The following SLC25A26 variants were observed in gnomAD, a reference collection of about 807,000 sequenced individuals.
SLC25A26 encodes the protein solute carrier family 25 member 26.
Under a neutral mutation model 37.8 loss-of-function variants are expected in SLC25A26, and 36 were observed. That is an observed-to-expected ratio of 0.95 (90% CI 0.73 to 1.26). The LOEUF is 1.26. Among genes scored for constraint, SLC25A26 ranks in the 50% most tolerant of loss-of-function variants. SLC25A26 has a pLI of 0.00. For synonymous variants in SLC25A26, 129 were observed against 122.5 expected (o/e 1.05, Z -0.35); for missense variants, 390 against 331.1 (o/e 1.18, Z -1.38).
chr3:66,262,367 T>C (rs756852362), intron 4 of SLC25A26, among the ~76,000 whole-genome samples: 4 of 152,230 alleles, frequency 2.6e-5, no homozygotes, highest in Non-Finnish European at 4.4e-5. Context: ...GAGCATAACA[T>C]TGAGTGTCCT....
intron 1 of SLC25A26, among the ~76,000 whole-genome samples, chr3:66,178,402 C>T (rs1241620545): frequency 6.6e-6 from 1 of 152,198 alleles, no homozygotes; most frequent in South Asian, 2.1e-4. Flanking sequence ...AAGGTTCCAT[C>T]CCCGCCTCCT....
chr3:66,137,277 A>G (rs1439401844), intron 1 of SLC25A26, among the ~76,000 whole-genome samples: 1 of 146,646 alleles, frequency 6.8e-6, no homozygotes, highest in East Asian at 2.0e-4. Context: ...CTGGAGTGCA[A>G]TGGCGCGATC....
chr3:66,317,643 G>A (rs2075575550), intron 5 of SLC25A26, among the ~76,000 whole-genome samples: 1 of 152,220 alleles, frequency 6.6e-6, no homozygotes, highest in Non-Finnish European at 1.5e-5. Context: ...TTGGCAGAGT[G>A]GGTGTGCTGT....
chr3:66,161,279 A>G (rs1393461071), intron 1 of SLC25A26, among the ~76,000 whole-genome samples: 1 of 152,182 alleles, frequency 6.6e-6, no homozygotes, highest in Non-Finnish European at 1.5e-5. Flanking sequence ...TGGAATCAGC[A>G]TAAACTGGAT....
intron 5 of SLC25A26, among the ~76,000 whole-genome samples, chr3:66,338,672 G>A (rs781662566): frequency 1.3e-4 from 20 of 151,738 alleles, no homozygotes; most frequent in Non-Finnish European, 2.5e-4. Flanking sequence ...CAGACAGAAA[G>A]GTTGTATCAT....
chr3:66,373,769 G>A (rs1260757823), intron 9 of SLC25A26, among the ~76,000 whole-genome samples: 1 of 151,448 alleles, frequency 6.6e-6, no homozygotes, highest in Admixed American at 6.6e-5. Flanking sequence ...AATTTTATGT[G>A]CAGTATTGTA....
At chr3:66,272,152 A>C (rs182781562) in intron 5 of SLC25A26, among the ~76,000 whole-genome samples, 1 of 152,174 alleles carries the variant, frequency 6.6e-6, no homozygotes, top group African/African-American at 2.4e-5. Context: ...AGTTGTTTAC[A>C]TACATTATTT....
At chr3:66,141,130 G>A (rs952474468) in intron 1 of SLC25A26, among the ~76,000 whole-genome samples, 5 of 151,604 alleles carry the variant, frequency 3.3e-5, no homozygotes, top group Non-Finnish European at 7.4e-5. Flanking sequence ...TTGTATTTAT[G>A]TCAATTTCTT....
intron 9 of SLC25A26, among the ~76,000 whole-genome samples, chr3:66,375,988 C>G (rs1700627158): frequency 6.7e-6 from 1 of 150,234 alleles, no homozygotes; most frequent in Non-Finnish European, 1.5e-5. Context: ...AAAATATTGA[C>G]CATGCTGGGA....
intron 6 of SLC25A26, among the ~76,000 whole-genome samples, chr3:66,349,999 A>G (rs1167578257): frequency 6.6e-6 from 1 of 152,198 alleles, no homozygotes; most frequent in Non-Finnish European, 1.5e-5. Flanking sequence ...TGTTTTTTAA[A>G]CATCTGAACG....
chr3:66,274,500 A>G (rs1254567675), intron 5 of SLC25A26, among the ~76,000 whole-genome samples: 13 of 152,208 alleles, frequency 8.5e-5, no homozygotes, highest in Non-Finnish European at 1.9e-4. Flanking sequence ...CAACCTACTT[A>G]TCTGACAAAG....
At chr3:66,301,806 C>A (rs927798944) in intron 5 of SLC25A26, among the ~76,000 whole-genome samples, 2 of 152,146 alleles carry the variant, frequency 1.3e-5, no homozygotes, top group African/African-American at 4.8e-5. Flanking sequence ...TAATTAGAAA[C>A]ATGGAGTCTG....
At chr3:66,324,460 A>T (rs113118412) in intron 5 of SLC25A26, among the ~76,000 whole-genome samples, 23 of 152,192 alleles carry the variant, frequency 1.5e-4, no homozygotes, top group African/African-American at 4.6e-4. Context: ...AATGTTATCC[A>T]TGGGAGCAAT....
At chr3:66,142,039 G>A (rs1323580123) in intron 1 of SLC25A26, among the ~76,000 whole-genome samples, 3 of 152,114 alleles carry the variant, frequency 2.0e-5, no homozygotes, top group Non-Finnish European at 4.4e-5. Context: ...CAAGTCAGTG[G>A]CATTTGGTGC....
At chr3:66,297,291 G>T (rs1419253621) in intron 5 of SLC25A26, among the ~76,000 whole-genome samples, 5 of 140,816 alleles carry the variant, frequency 3.6e-5, no homozygotes, top group Non-Finnish European at 6.0e-5. Flanking sequence ...TCGTGCCATT[G>T]CCCTCCAGCC....
intron 5 of SLC25A26, among the ~76,000 whole-genome samples, chr3:66,290,709 G>T (rs1281740954): frequency 6.6e-6 from 1 of 152,088 alleles, no homozygotes; most frequent in Non-Finnish European, 1.5e-5. Context: ...TGCTGGATTC[G>T]GTTTGCCAGT....
chr3:66,305,600 TG>T (rs1166763097), intron 5 of SLC25A26, among the ~76,000 whole-genome samples: 1 of 152,174 alleles, frequency 6.6e-6, no homozygotes, highest in Non-Finnish European at 1.5e-5. Flanking sequence ...TCTTTCCTAA[TG>T]CTCCCCTTCC....
chr3:66,137,376 G>C (rs1413627718), intron 1 of SLC25A26, among the ~76,000 whole-genome samples: 1 of 151,912 alleles, frequency 6.6e-6, no homozygotes, highest in Non-Finnish European at 1.5e-5. Flanking sequence ...ACAGGGGCCT[G>C]CCACCAGGCC....
At chr3:66,274,653 C>T (rs1453735840) in intron 5 of SLC25A26, among the ~76,000 whole-genome samples, 4 of 152,216 alleles carry the variant, frequency 2.6e-5, no homozygotes, top group African/African-American at 7.2e-5. Flanking sequence ...TGAAAAAATG[C>T]TCATCATCAC....
Sources: gnomAD v4.1 joint callset for allele counts (sites outside exome capture counted in the v4.1 genomes callset) on GRCh38, gnomAD v4.1.1 for gene constraint, MANE v1.5 for transcripts, NCBI Gene and HGNC (gene_info 2026-07-23, HGNC 2026-07-21) for gene names.